STRN3: variants seen among roughly 807,000 people sequenced by gnomAD.
STRN3 encodes the protein striatin 3.
STRN3 carries 29 observed loss-of-function variants against 95.6 expected under a neutral mutation model. The ratio of observed to expected loss-of-function variants is 0.30; its 90% confidence interval spans 0.23 to 0.41. STRN3 has a LOEUF of 0.41. STRN3 is among the 10% of genes least tolerant of loss of function. STRN3 has a pLI of 1.00. For synonymous variants in STRN3, 331 were observed against 357.6 expected, an observed-to-expected ratio of 0.93 and a Z score of 0.84; for missense variants, 890 against 972.1, an observed-to-expected ratio of 0.92 and a Z score of 1.12.
intron 1 of STRN3, among the ~76,000 whole-genome samples, chr14:30,977,379 T>C (rs1300803745): frequency 6.6e-5 from 10 of 151,182 alleles, no homozygotes. Context: ...ATCAATAAAA[T>C]CAGCTCATTG....
chr14:30,937,265 G>C (rs1878869506), intron 5 of STRN3, among the ~76,000 whole-genome samples: 1 of 152,088 alleles, frequency 6.6e-6, no homozygotes, highest in South Asian at 2.1e-4. Context: ...AGTGAGCTAT[G>C]ACTATATACT....
intron 7 of STRN3, among the ~76,000 whole-genome samples, chr14:30,934,096 C>T (rs531446218): frequency 2.8e-4 from 43 of 152,208 alleles, no homozygotes; most frequent in Middle Eastern, 3.4e-3. Flanking sequence ...GAGGCCAAGG[C>T]GGGCGGATCG....
chr14:30,945,681 A>C (rs1879327148), intron 5 of STRN3, among the ~76,000 whole-genome samples: 1 of 152,220 alleles, frequency 6.6e-6, no homozygotes, highest in Non-Finnish European at 1.5e-5. Flanking sequence ...ATTATTCAGA[A>C]ATAAAAAGGA....
chr14:30,903,221 C>T (rs1164274146), intron 15 of STRN3, among the ~76,000 whole-genome samples: 2 of 151,692 alleles, frequency 1.3e-5, no homozygotes, highest in African/African-American at 4.8e-5. Context: ...ATTCATTCTG[C>T]TTATGTATCG....
rs1402350898 is a variant in STRN3, at chr14:30,956,119, A to AC, written c.386+19dup. 1 of 1,598,792 alleles carries AC rather than the reference A, an allele frequency of 6.3e-7. No individual in the cohort carries two copies. Among genetic ancestry groups the AC allele is most frequent in the African/African-American group, 1.3e-5 (1 of 74,586 alleles). On this transcript the variant is annotated intron_variant, in intron 2 of 17. Transcript: ENST00000357479. ...ACTATTGTTCTACTTTATTCATGTA[A>AC]CAAAATGAGGCACACATACCTTTCT... is the stretch of plus-strand genomic sequence containing the variant.
intron 1 of STRN3, among the ~76,000 whole-genome samples, chr14:31,024,555 T>G (rs564487166): frequency 6.5e-4 from 99 of 152,338 alleles, no homozygotes; most frequent in African/African-American, 2.3e-3. Context: ...TAAGACTTCA[T>G]ACAGTGTCAA....
chr14:30,949,687 A>G (rs1435037859), intron 4 of STRN3, among the ~76,000 whole-genome samples: 2 of 151,666 alleles, frequency 1.3e-5, no homozygotes, highest in Non-Finnish European at 2.9e-5. Context: ...CCGTTTCCAA[A>G]AAAAAAAATA....
At chr14:30,913,404 C>T (rs1896658420) in intron 10 of STRN3, 120 bp downstream of exon 10, 1 of 1,111,510 alleles carries the variant, frequency 9.0e-7, no homozygotes, top group African/African-American at 1.6e-5. Context: ...CAAATCAACA[C>T]ATTGACACAA....
chr14:31,000,202 A>G (rs1200708608), intron 1 of STRN3, among the ~76,000 whole-genome samples: 1 of 150,982 alleles, frequency 6.6e-6, no homozygotes, highest in Non-Finnish European at 1.5e-5. Flanking sequence ...GAGTGCTAGT[A>G]AAGTTAACTC....
At chr14:30,938,156 G>A (rs909507994) in intron 5 of STRN3, among the ~76,000 whole-genome samples, 6 of 150,160 alleles carry the variant, frequency 4.0e-5, no homozygotes, top group Non-Finnish European at 7.4e-5. Flanking sequence ...CAGATAGAAA[G>A]GGTTGACTAT....
chr14:31,010,832 A>T (rs1382265177), intron 1 of STRN3, among the ~76,000 whole-genome samples: 1 of 152,190 alleles, frequency 6.6e-6, no homozygotes, highest in East Asian at 1.9e-4. Flanking sequence ...TGAGGTCAGG[A>T]GTTCGAGACC....
intron 4 of STRN3, among the ~76,000 whole-genome samples, chr14:30,947,862 G>A (rs1879441513): frequency 6.6e-6 from 1 of 152,158 alleles, no homozygotes; most frequent in Admixed American, 6.5e-5. Context: ...AAAGAAGAAA[G>A]GGACTAGATT....
chr14:30,973,712 A>G (rs1005261768), intron 1 of STRN3, among the ~76,000 whole-genome samples: 1 of 152,252 alleles, frequency 6.6e-6, no homozygotes. Context: ...CACTGATACT[A>G]AAATTCTCAA....
chr14:30,990,446 G>T (rs941817683), intron 1 of STRN3, among the ~76,000 whole-genome samples: 1 of 152,038 alleles, frequency 6.6e-6, no homozygotes, highest in East Asian at 1.9e-4. Flanking sequence ...GGGATTACAG[G>T]CCTGAGCCAC....
chr14:30,937,742 G>C (rs996563779), intron 5 of STRN3, among the ~76,000 whole-genome samples: 9 of 152,110 alleles, frequency 5.9e-5, no homozygotes, highest in African/African-American at 2.2e-4. Context: ...AATTGTGGGG[G>C]CTGAATTAGA....
intron 1 of STRN3, among the ~76,000 whole-genome samples, chr14:31,007,145 G>T (rs998494584): frequency 1.3e-5 from 2 of 152,152 alleles, no homozygotes; most frequent in Non-Finnish European, 2.9e-5. Context: ...TCAGTAAAAT[G>T]AAAGAGTAAG....
intron 1 of STRN3, among the ~76,000 whole-genome samples, chr14:31,013,419 T>C (rs372732127): frequency 1.3e-5 from 2 of 151,982 alleles, no homozygotes; most frequent in South Asian, 2.1e-4. Flanking sequence ...TTATATAGTT[T>C]GCCACATTGT....
At chr14:30,987,185 G>A (rs1430981405) in intron 1 of STRN3, among the ~76,000 whole-genome samples, 7 of 152,192 alleles carry the variant, frequency 4.6e-5, no homozygotes, top group African/African-American at 1.2e-4. Flanking sequence ...TAACGTAGAG[G>A]CATGGCAGCC....
chr14:30,919,178 AATTT>A (rs1417323160), intron 8 of STRN3, 72 bp from the exon 9 acceptor site: 1 of 1,387,336 alleles, frequency 7.2e-7, no homozygotes, highest in Non-Finnish European at 9.5e-7. Context: ...CTTTAAAACC[AATTT>A]ATTAACAAAA....
Sources: gnomAD v4.1 joint callset for allele counts (sites outside exome capture counted in the v4.1 genomes callset) on GRCh38, gnomAD v4.1.1 for gene constraint, MANE v1.5 for transcripts, NCBI Gene and HGNC (gene_info 2026-07-23, HGNC 2026-07-21) for gene names.